SLC36A1: variants seen among roughly 807,000 people sequenced by gnomAD.
SLC36A1 encodes solute carrier family 36 member 1, also known as proton-coupled amino acid transporter 1.
Under a neutral mutation model 47.5 loss-of-function variants are expected in SLC36A1, and 30 were observed. The ratio of observed to expected loss-of-function variants is 0.63; its 90% CI spans 0.47 to 0.86. The LOEUF is 0.86. Among genes scored for constraint, SLC36A1 ranks in the 40% least tolerant of loss-of-function variants. SLC36A1 has a pLI of 0.00. For missense variants in SLC36A1, 517 were observed against 606.0 expected (o/e 0.85, Z 1.54); for synonymous variants, 255 against 249.7 (o/e 1.02, Z -0.20).
the SLC36A1 span, chr5:151,544,690 C>T: frequency 2.6e-4 from 425 of 1,614,098 alleles, 1 homozygote; most frequent in African/African-American, 4.5e-3. Context: ...TCCTCCATCC[C>T]GAGCAATGAC....
At chr5:151,503,440 G>T in the SLC36A1 span, among the ~76,000 whole-genome samples, 1 of 148,850 alleles carries the variant, frequency 6.7e-6, no homozygotes, top group African/African-American at 2.6e-5. Flanking sequence ...CACATAATTA[G>T]TGTGCGACAG....
the SLC36A1 span, chr5:151,505,799 C>T: frequency 4.3e-6 from 7 of 1,613,946 alleles, no homozygotes; most frequent in East Asian, 2.2e-5. Flanking sequence ...AGCTGATGGC[C>T]GTGTACTCAT....
intron 9 of SLC36A1, chr5:151,476,976 G>A (rs899082152): frequency 4.7e-5 from 32 of 679,032 alleles, no homozygotes; most frequent in African/African-American, 3.4e-4. Flanking sequence ...CTGATCAGCC[G>A]ATGGGTAAGC....
the SLC36A1 span, chr5:151,542,755 T>C: frequency 1.9e-6 from 3 of 1,614,100 alleles, no homozygotes; most frequent in Non-Finnish European, 1.7e-6. Context: ...CCTATTGTCA[T>C]TGACGTCTCC....
At chr5:151,451,925 A>T (rs1255643626) in intron 1 of SLC36A1, among the ~76,000 whole-genome samples, 3 of 152,108 alleles carry the variant, frequency 2.0e-5, no homozygotes, top group Non-Finnish European at 4.4e-5. Context: ...GGTTTGCTGG[A>T]CTGTCATCTC....
At chr5:151,375,040 T>G in the SLC36A1 span, among the ~76,000 whole-genome samples, 1 of 152,314 alleles carries the variant, frequency 6.6e-6, no homozygotes, top group South Asian at 2.1e-4. Context: ...ATTATTTTGC[T>G]GTGCAGCAGC....
At chr5:151,518,245 C>T in the SLC36A1 span, among the ~76,000 whole-genome samples, 1 of 151,842 alleles carries the variant, frequency 6.6e-6, no homozygotes. Flanking sequence ...TACATCCTCT[C>T]AGCTGAGGCA....
At chr5:151,403,810 A>C in the SLC36A1 span, among the ~76,000 whole-genome samples, 555 of 152,298 alleles carry the variant, frequency 3.6e-3, 4 homozygotes, top group African/African-American at 0.013. Flanking sequence ...TCTGTCTTTT[A>C]AAGTGTATTG....
intron 6 of SLC36A1, 25 bp from the exon 7 acceptor site, chr5:151,467,682 G>A (rs776175169): frequency 5.6e-5 from 90 of 1,599,274 alleles, no homozygotes; most frequent in Non-Finnish European, 7.3e-5. Flanking sequence ...AGGTGTTTCC[G>A]TTTTCTTCCT....
the SLC36A1 span, among the ~76,000 whole-genome samples, chr5:151,389,201 A>G: frequency 6.6e-6 from 1 of 152,096 alleles, no homozygotes; most frequent in African/African-American, 2.4e-5. Flanking sequence ...CCTGTGCCTG[A>G]TGTTGTAACC....
At chr5:151,551,670 A>T in the SLC36A1 span, 7 of 1,575,776 alleles carry the variant, frequency 4.4e-6, no homozygotes, top group Non-Finnish European at 1.7e-6. Flanking sequence ...AGCATAAGAT[A>T]GGCTTTGGTT....
chr5:151,434,965 T>A (rs1424246517), upstream of SLC36A1, among the ~76,000 whole-genome samples: 1 of 152,134 alleles, frequency 6.6e-6, no homozygotes, highest in East Asian at 1.9e-4. Flanking sequence ...CAAATCAGAC[T>A]CGCAGAAGAA....
Position 151,458,854 on chromosome 5 carries a change from C to T in SLC36A1, c.62C>T (p.Pro21Leu). 1 of 1,614,160 alleles carries T rather than the reference C, an allele frequency of 6.2e-7. No homozygotes were observed. Residue 21 changes from proline to leucine, a missense_variant, in exon 2 of 11, where the codon CCT (proline) becomes CTT (leucine). Pro to Leu is a moderately conservative substitution (Grantham distance 98). Coordinates refer to ENST00000243389, the MANE Select transcript of SLC36A1 (RefSeq NM_078483.4). Reference sequence around the variant, plus strand: ...GACTACAGCTCCACGGACGTGAGCCCTGAGGAGAGCCCGTCGGAAGGCCTC... The same window carrying T: ...GACTACAGCTCCACGGACGTGAGCCTTGAGGAGAGCCCGTCGGAAGGCCTC... ...YHDYSSTDVS[P>L]EESPSEGLNN...
upstream of SLC36A1, among the ~76,000 whole-genome samples, chr5:151,434,042 A>T (rs2127434865): frequency 6.6e-6 from 1 of 152,342 alleles, no homozygotes; most frequent in Non-Finnish European, 1.5e-5. Context: ...CCAGCCCAGA[A>T]TGTAGTTCAC....
the SLC36A1 span, chr5:151,510,392 C>G: frequency 2.2e-4 from 115 of 525,662 alleles, no homozygotes; most frequent in Middle Eastern, 3.6e-3. Context: ...CCAGAGACAA[C>G]AGTCACCTAA....
the SLC36A1 span, among the ~76,000 whole-genome samples, chr5:151,408,389 A>T: frequency 6.6e-5 from 10 of 152,198 alleles, no homozygotes; most frequent in African/African-American, 2.4e-4. Flanking sequence ...GGGTTTCACC[A>T]TATTAGCCAG....
At chr5:151,367,248 C>A in the SLC36A1 span, among the ~76,000 whole-genome samples, 1 of 152,096 alleles carries the variant, frequency 6.6e-6, no homozygotes, top group Non-Finnish European at 1.5e-5. Flanking sequence ...TTTTCCCAAC[C>A]CTAGTAAGCC....
intron 1 of SLC36A1, among the ~76,000 whole-genome samples, chr5:151,451,662 T>C (rs182287376): frequency 6.6e-6 from 1 of 152,330 alleles, no homozygotes; most frequent in East Asian, 1.9e-4. Context: ...TTTCCTCCTA[T>C]CTTCATAACA....
At chr5:151,356,436 C>T in the SLC36A1 span, among the ~76,000 whole-genome samples, 1 of 151,320 alleles carries the variant, frequency 6.6e-6, no homozygotes, top group African/African-American at 2.4e-5. Context: ...CTGTTACTCA[C>T]ACCTCCTCCG....
Sources: gnomAD v4.1 joint callset for allele counts (sites outside exome capture counted in the v4.1 genomes callset) on GRCh38, gnomAD v4.1.1 for gene constraint, MANE v1.5 for transcripts, NCBI Gene and HGNC (gene_info 2026-07-23, HGNC 2026-07-21) for gene names.